EIF2B3: variants seen among roughly 807,000 people sequenced by gnomAD.
EIF2B3 encodes translation initiation factor eIF2B subunit gamma.
A neutral mutation model predicts 54.1 loss-of-function variants in EIF2B3; 20 were observed. The ratio of observed to expected loss-of-function variants is 0.37; its 90% CI spans 0.26 to 0.54. The LOEUF (loss-of-function observed/expected upper bound fraction) is 0.54, where lower values mean the gene tolerates loss of function less well. EIF2B3 is among the 20% of genes least tolerant of loss of function. EIF2B3 has a pLI of 0.86. For missense variants in EIF2B3, 448 were observed against 547.8 expected, an observed-to-expected ratio of 0.82 and a Z score of 1.82; for synonymous variants, 153 against 188.1, an observed-to-expected ratio of 0.81 and a Z score of 1.52.
chr1:44,935,362 T>C (rs1300723780), intron 4 of EIF2B3, among the ~76,000 whole-genome samples: 1 of 152,150 alleles, frequency 6.6e-6, no homozygotes, highest in African/African-American at 2.4e-5. Context: ...TAACAAGGGA[T>C]GGAAAACAAA....
At chr1:44,918,826 G>T (rs1627320) in intron 5 of EIF2B3, among the ~76,000 whole-genome samples, 3 of 152,026 alleles carry the variant, frequency 2.0e-5, no homozygotes, top group Admixed American at 6.5e-5. Context: ...TTCCTTATGC[G>T]TTTTACCTTC....
intron 5 of EIF2B3, among the ~76,000 whole-genome samples, chr1:44,919,768 G>A (rs1643699433): frequency 7.1e-6 from 1 of 141,698 alleles, no homozygotes; most frequent in African/African-American, 2.7e-5. Context: ...CCAGGCTGCA[G>A]TGCAGTGGTG....
rs1055407313 is a variant in EIF2B3 at position 44,959,065 on chromosome 1, C to T, written c.295-17400G>A. On this transcript the variant is annotated intron_variant, in intron 3 of 11. Transcript: ENST00000360403. ...GAAACTTATGGAACGCCATCTTCAG[C>T]ATCAAAAGCTCCAAGGCCTCTATGA... 35 of 758,474 alleles carry T rather than the reference C, an allele frequency of 4.6e-5. No homozygotes were observed. In the African/African-American group the frequency reaches 6.1e-4, roughly 13 times the overall value. 47.0% of individuals were successfully genotyped at this position (758,474 alleles called of 1,614,324 possible).
intron 5 of EIF2B3, among the ~76,000 whole-genome samples, chr1:44,921,731 G>C (rs1183181951): frequency 6.6e-6 from 1 of 151,914 alleles, no homozygotes. Flanking sequence ...TCTCTATTCT[G>C]TTCCACTGAC....
chr1:44,875,949 T>C (rs1655116884), intron 8 of EIF2B3, among the ~76,000 whole-genome samples: 1 of 152,214 alleles, frequency 6.6e-6, no homozygotes, highest in Non-Finnish European at 1.5e-5. Context: ...CACGCCTGAC[T>C]GGTTTTCGTA....
chr1:44,904,395 C>G (rs971927815), intron 5 of EIF2B3, among the ~76,000 whole-genome samples: 1 of 152,200 alleles, frequency 6.6e-6, no homozygotes, highest in Non-Finnish European at 1.5e-5. Flanking sequence ...CCAGAGATAA[C>G]AATTCAGATG....
At chr1:44,921,976 G>A (rs1050805097) in intron 5 of EIF2B3, among the ~76,000 whole-genome samples, 4 of 150,674 alleles carry the variant, frequency 2.7e-5, no homozygotes, top group Non-Finnish European at 5.9e-5. Flanking sequence ...GTGCAATGGC[G>A]CAATCTCAGC....
intron 6 of EIF2B3, among the ~76,000 whole-genome samples, chr1:44,893,876 G>T (rs1421860575): frequency 1.3e-5 from 2 of 152,104 alleles, no homozygotes; most frequent in African/African-American, 4.8e-5. Flanking sequence ...AGCGGGGGAG[G>T]TTCTATACTA....
At chr1:44,944,060 C>T (rs548260038) in intron 3 of EIF2B3, among the ~76,000 whole-genome samples, 1 of 152,150 alleles carries the variant, frequency 6.6e-6, no homozygotes, top group East Asian at 1.9e-4. Flanking sequence ...AGGAGAATTG[C>T]TTGAACCCAG....
intron 11 of EIF2B3, among the ~76,000 whole-genome samples, chr1:44,852,779 C>CAA (rs35073051): frequency 5.0e-4 from 56 of 111,922 alleles, no homozygotes; most frequent in African/African-American, 1.5e-3. Context: ...AACTCTGTCT[C>CAA]AAAAAAAAAA....
chr1:44,919,866 G>A (rs76248186), intron 5 of EIF2B3, among the ~76,000 whole-genome samples: 23,243 of 147,100 alleles, frequency 0.16, 1,930 homozygotes, highest in Non-Finnish European at 0.18. Context: ...ACACGCATGC[G>A]ACAACATGCC....
chr1:44,890,934 A>G (rs957731963), intron 6 of EIF2B3, among the ~76,000 whole-genome samples: 1 of 152,116 alleles, frequency 6.6e-6, no homozygotes, highest in Non-Finnish European at 1.5e-5. Flanking sequence ...ATCTCTGTCA[A>G]GACTTTCAAC....
At chr1:44,897,312 T>G (rs778758834) in intron 6 of EIF2B3, 43 bp downstream of exon 6, 74 of 1,418,384 alleles carry the variant, frequency 5.2e-5, no homozygotes, top group Middle Eastern at 1.7e-4. Context: ...ACAAAGTAGC[T>G]TGTTAAGTAC....
rs997248160 is a variant in EIF2B3 at position 44,874,814 on chromosome 1, T to G, written c.1066A>C (p.Ser356Arg). The G allele has an allele frequency of 1.2e-6, 2 of 1,614,108 alleles. No homozygotes were observed. The highest frequency in any genetic ancestry group is 1.7e-6 in the Non-Finnish European group (2 of 1,180,012). ...IVSKHLVGVD[S>R]LIGPETQIGE... ...ATCTGTGTCTCTGGCCCAATGAGGC[T>G]GTCAACTCCAACCTGTAAAAGGCAA... Residue 356 changes from serine to arginine, a missense_variant, in exon 10 of 12, where the codon AGC becomes CGC. Ser to Arg is a moderately radical substitution (Grantham distance 110). Around this residue, in one of 3 missense-constraint regions of EIF2B3, gnomAD observed 350 missense variants for 414.2 expected, o/e 0.85. Coordinates refer to ENST00000360403, the MANE Select transcript of EIF2B3 (RefSeq NM_020365.5).
chr1:44,933,978 C>G (rs2148936620), intron 4 of EIF2B3, among the ~76,000 whole-genome samples: 1 of 152,032 alleles, frequency 6.6e-6, no homozygotes, highest in East Asian at 1.9e-4. Flanking sequence ...CAAAATTAGC[C>G]AGGCATGGTG....
chr1:44,887,028 T>C (rs1040556437), intron 6 of EIF2B3, among the ~76,000 whole-genome samples: 1 of 152,210 alleles, frequency 6.6e-6, no homozygotes, highest in Non-Finnish European at 1.5e-5. Flanking sequence ...CTTATGTCCA[T>C]TGATCTCTCA....
At chr1:44,911,773 T>C (rs988746395) in intron 5 of EIF2B3, among the ~76,000 whole-genome samples, 2 of 152,014 alleles carry the variant, frequency 1.3e-5, no homozygotes, top group African/African-American at 4.8e-5. Context: ...TAGTTACATA[T>C]GTATACATGT....
intron 3 of EIF2B3, among the ~76,000 whole-genome samples, chr1:44,965,631 C>T (rs1416597603): frequency 1.4e-5 from 2 of 138,892 alleles, no homozygotes; most frequent in Non-Finnish European, 3.1e-5. Flanking sequence ...TGCACAAATG[C>T]ATCTTTTTTT....
intron 5 of EIF2B3, among the ~76,000 whole-genome samples, chr1:44,905,618 G>A (rs1437337901): frequency 3.3e-5 from 5 of 151,986 alleles, no homozygotes; most frequent in Non-Finnish European, 7.4e-5. Flanking sequence ...CTTGTTCTGT[G>A]TTATTTGGAA....
Sources: allele counts gnomAD v4.1 joint callset (sites outside exome capture counted in the v4.1 genomes callset), GRCh38; gene constraint gnomAD v4.1.1; regional missense constraint gnomAD v4.1.1; transcripts MANE v1.5; gene names NCBI Gene and HGNC (gene_info 2026-07-23, HGNC 2026-07-21).